DAW1: variants seen among roughly 807,000 people sequenced by gnomAD.
DAW1 encodes dynein assembly factor with WD repeat domains 1.
Under a neutral mutation model 56.5 loss-of-function variants are expected in DAW1, and 47 were observed. That is an observed-to-expected ratio of 0.83 (90% confidence interval 0.66 to 1.06). The LOEUF (loss-of-function observed/expected upper bound fraction) is 1.06, where lower values mean the gene tolerates loss of function less well. DAW1 is among the 50% of genes least tolerant of loss of function. DAW1 has a pLI of 0.00. For missense variants in DAW1, 505 were observed against 499.3 expected (o/e 1.01, Z -0.11); for synonymous variants, 190 against 179.0 (o/e 1.06, Z -0.49).
At chr2:227,915,465 A>G (rs995574854) in intron 10 of DAW1, among the ~76,000 whole-genome samples, 3 of 152,038 alleles carry the variant, frequency 2.0e-5, no homozygotes, top group African/African-American at 7.2e-5. Context: ...ACCATGTTTG[A>G]TGCTGGAAGA....
At chr2:227,912,578 G>T in intron 10 of DAW1, 1 of 1,189,840 alleles carries the variant, frequency 8.4e-7, no homozygotes, top group Non-Finnish European at 1.1e-6. Flanking sequence ...TACACTTTGT[G>T]TTTGTCATCT....
rs771797509 is a variant in DAW1 at position 227,924,071 on chromosome 2, T to A, written c.*103T>A. On this transcript the variant is annotated 3_prime_UTR_variant, in exon 13 of 13. Coordinates refer to ENST00000309931, the MANE Select transcript of DAW1 (RefSeq NM_178821.3). The stretch of plus-strand genomic sequence containing the variant: ...TAATATTTCTTATACTTTCTCTTTT[T>A]CTGCAAGTCAACTATTTCTACAACT... 5.1e-6 allele frequency: 7 copies of A among 1,379,332 alleles called. No homozygotes were observed. The highest frequency in any genetic ancestry group is 7.1e-6 in the Non-Finnish European group (7 of 988,852). 85.4% of individuals were successfully genotyped at this position (1,379,332 alleles called of 1,614,324 possible). A position where few individuals can be genotyped will look rare whatever the true frequency, so the allele number is the denominator to read the frequency against.
intron 12 of DAW1, 152 bp downstream of exon 12, chr2:227,921,713 AT>A: frequency 2.5e-6 from 2 of 810,052 alleles, no homozygotes; most frequent in Non-Finnish European, 3.6e-6. Context: ...TCATTATTTA[AT>A]TTTAGTTTTA....
intron 10 of DAW1, among the ~76,000 whole-genome samples, chr2:227,911,267 C>CATATATATATACACGTGTATATAT (rs1559312581): frequency 7.5e-6 from 1 of 132,804 alleles, no homozygotes; most frequent in African/African-American, 2.7e-5. Flanking sequence ...CGTGTATATA[C>CATATATATATACACGTGTATATAT]ACATATACAC....
At chr2:227,885,301 C>A in intron 1 of DAW1, 50 bp from the exon 2 acceptor site, 1 of 1,311,000 alleles carries the variant, frequency 7.6e-7, no homozygotes, top group Non-Finnish European at 1.0e-6. Context: ...TAACTTTTGA[C>A]ATAGGTGGTT....
intron 2 of DAW1, 132 bp from the exon 3 acceptor site, chr2:227,889,724 G>A: frequency 1.4e-6 from 1 of 701,436 alleles, no homozygotes; most frequent in Non-Finnish European, 2.1e-6. Flanking sequence ...GATATCTCTT[G>A]GGAAAGATAA....
At chr2:227,887,091 G>A (rs879769588) in intron 2 of DAW1, among the ~76,000 whole-genome samples, 2 of 152,180 alleles carry the variant, frequency 1.3e-5, no homozygotes, top group Admixed American at 6.5e-5. Context: ...CTGGGAGCAC[G>A]TGTCTAGGGT....
intron 1 of DAW1, among the ~76,000 whole-genome samples, chr2:227,878,682 C>T (rs1297512374): frequency 6.6e-6 from 1 of 152,146 alleles, no homozygotes; most frequent in Non-Finnish European, 1.5e-5. Context: ...GATGATTGTA[C>T]AACTGCACTG....
In DAW1 at chr2:227,889,940, G is replaced by C; in HGVS notation, c.198G>C (p.Leu66Phe). The change falls in exon 3 of 13, where the codon TTG becomes TTC. Residue 66 changes from leucine to phenylalanine, a missense_variant. Transcript: ENST00000309931. ...CACGAACAGAGCAAGTCAAACTTTTGATACAGAGGTTGCAAGAGAAACTCG... is the reference window on the plus strand; with the variant it reads ...CACGAACAGAGCAAGTCAAACTTTTCATACAGAGGTTGCAAGAGAAACTCG... ...TASRTEQVKL[L>F]IQRLQEKLGQ... The C allele has an allele frequency of 6.2e-7, 1 of 1,605,836 alleles. No homozygotes were observed. The highest frequency in any genetic ancestry group is 1.1e-5 in the South Asian group (1 of 89,488).
chr2:227,906,458 A>C, intron 9 of DAW1, 120 bp downstream of exon 9: 2 of 736,698 alleles, frequency 2.7e-6, no homozygotes, highest in Middle Eastern at 3.7e-4. Flanking sequence ...ATTAATTTAC[A>C]AAAAATAGTT....
At chr2:227,921,305 CTTTTTTTTTTTTTTT>C (rs556409280) in intron 11 of DAW1, 79 bp from the exon 12 acceptor site, 35 of 436,384 alleles carry the variant, frequency 8.0e-5, no homozygotes, top group African/African-American at 6.8e-4. Context: ...CTGTAATGTC[CTTTTTTTTTTTTTTT>C]TTTTTTTTTT....
At chr2:227,918,602 G>T (rs1692029519) in intron 10 of DAW1, among the ~76,000 whole-genome samples, 178 bp from the exon 11 acceptor site, 1 of 152,116 alleles carries the variant, frequency 6.6e-6, no homozygotes, top group Non-Finnish European at 1.5e-5. Context: ...ACCCTCTCCT[G>T]CAATGGGACC....
chr2:227,901,386 T>G (rs1010924270), intron 6 of DAW1, among the ~76,000 whole-genome samples: 2 of 152,122 alleles, frequency 1.3e-5, no homozygotes, highest in African/African-American at 4.8e-5. Context: ...GAGGCATCCA[T>G]TTAACAGTTG....
rs1414794104 is a variant in DAW1, at chr2:227,905,035, G to A, written c.755G>A (p.Arg252Lys). 1 of 1,610,926 alleles carries A rather than the reference G, an allele frequency of 6.2e-7. No homozygotes were observed. The highest frequency in any genetic ancestry group is 2.2e-5 in the East Asian group (1 of 44,734). Reference sequence around the variant, plus strand: ...GTAGTGTGGGACGCTGATACTGGAAGGTAATTCTTAGTTCTTAAGAATTGT... The same window carrying A: ...GTAGTGTGGGACGCTGATACTGGAAAGTAATTCTTAGTTCTTAAGAATTGT... ...TVVVWDADTG[R>K]KVNILIGHCA... is the part of the protein sequence containing the mutation. The change falls in exon 8 of 13, where the codon AGG becomes AAG. Residue 252 changes from arginine to lysine, a missense_variant and splice_region_variant. By Grantham distance (26) the Arg-to-Lys change is conservative. Transcript: ENST00000309931.
At chr2:227,911,093 A>G (rs750793243) in intron 10 of DAW1, among the ~76,000 whole-genome samples, 7 of 151,778 alleles carry the variant, frequency 4.6e-5, no homozygotes, top group South Asian at 2.1e-4. Context: ...ACAATTGTAT[A>G]TGAAGCTATA....
At chr2:227,921,363 C>T in intron 11 of DAW1, 36 bp from the exon 12 acceptor site, 2 of 461,642 alleles carry the variant, frequency 4.3e-6, no homozygotes, top group South Asian at 4.6e-5. Context: ...GGAACCATTA[C>T]ACAAAGCTGT....
intron 3 of DAW1, among the ~76,000 whole-genome samples, chr2:227,890,326 T>C (rs1449273607): frequency 1.3e-5 from 2 of 152,208 alleles, no homozygotes; most frequent in Non-Finnish European, 2.9e-5. Context: ...TAAGAAGTTG[T>C]GTTTTATGAC....
chr2:227,874,985 A>AACAAACAAACAAACAG, intron 1 of DAW1, among the ~76,000 whole-genome samples: 1 of 129,978 alleles, frequency 7.7e-6, no homozygotes, highest in Non-Finnish European at 1.7e-5. Flanking sequence ...CAAACAAACA[A>AACAAACAAACAAACAG]ACAGAAAAAC....
At chr2:227,902,285 T>C (rs1691564754) in intron 6 of DAW1, among the ~76,000 whole-genome samples, 2 of 151,962 alleles carry the variant, frequency 1.3e-5, no homozygotes, top group African/African-American at 4.8e-5. Context: ...ATGTTAGCAG[T>C]TGGTACGGAA....
Sources: gnomAD v4.1 joint callset for allele counts (sites outside exome capture counted in the v4.1 genomes callset) on GRCh38, gnomAD v4.1.1 for gene constraint, MANE v1.5 for transcripts, NCBI Gene and HGNC (gene_info 2026-07-23, HGNC 2026-07-21) for gene names.